TSTD2: variants seen among roughly 807,000 people sequenced by gnomAD.
TSTD2 encodes the protein thiosulfate sulfurtransferase like domain containing 2, also known as thiosulfate sulfurtransferase/rhodanese-like domain-containing protein 2.
A neutral mutation model predicts 47.9 loss-of-function variants in TSTD2; 37 were observed. The ratio of observed to expected loss-of-function variants is 0.77; its 90% confidence interval spans 0.59 to 1.02. The LOEUF (loss-of-function observed/expected upper bound fraction) is 1.02, where lower values mean the gene tolerates loss of function less well. Among genes scored for constraint, TSTD2 ranks in the 50% least tolerant of loss-of-function variants. The pLI is 0.00. For synonymous variants in TSTD2, 201 were observed against 215.9 expected, an observed-to-expected ratio of 0.93 and a Z score of 0.61; for missense variants, 586 against 616.0, an observed-to-expected ratio of 0.95 and a Z score of 0.52.
At position 97,602,158 on chromosome 9, in the gene TSTD2, C is replaced by T; in HGVS notation, c.*311G>A. 1 of 285,672 alleles carries T rather than the reference C, an allele frequency of 3.5e-6. No individual in the cohort carries two copies. The highest frequency in any genetic ancestry group is 9.4e-5 in the South Asian group (1 of 10,694). 17.7% of individuals were successfully genotyped at this position (285,672 alleles called of 1,614,324 possible). A position where few individuals can be genotyped will look rare whatever the true frequency, so the allele number is the denominator to read the frequency against. On this transcript the variant is annotated 3_prime_UTR_variant, in exon 10 of 10. Coordinates refer to ENST00000341170, the MANE Select transcript of TSTD2 (RefSeq NM_139246.5). Reference sequence around the variant, plus strand: ...CAAGGGCAATGACTACTAACAGCCCCAGCTGCATGGAACAGAAAGGGCATA... The same window carrying T: ...CAAGGGCAATGACTACTAACAGCCCTAGCTGCATGGAACAGAAAGGGCATA...
intron 4 of TSTD2, among the ~76,000 whole-genome samples, chr9:97,615,056 G>A (rs1826522636): frequency 6.6e-6 from 1 of 152,158 alleles, no homozygotes; most frequent in African/African-American, 2.4e-5. Context: ...TACCTCTCTT[G>A]GGGTAGGCTA....
chr9:97,604,769 C>G lies in TSTD2; in HGVS notation c.1210G>C (p.Asp404His). Residue 404 changes from aspartate to histidine, a missense_variant, in exon 9 of 10, where the codon GAT becomes CAT. Physicochemically the swap from Asp to His is moderately conservative, Grantham distance 81. Transcript: ENST00000341170. ...TTGTAGGACAGAGCATAGCGTTCAT[C>G]AAAAACAAACAACTTCCCTTTGTAA... ...GFYKGKLFVF[D>H]ERYALSYNSD... The G allele has an allele frequency of 1.9e-6, 3 of 1,614,218 alleles. No homozygotes were observed. Among genetic ancestry groups the G allele is most frequent in the Non-Finnish European group, 2.5e-6 (3 of 1,180,040 alleles).
intron 9 of TSTD2, 149 bp downstream of exon 9, chr9:97,604,578 G>C (rs1826332194): frequency 1.6e-6 from 2 of 1,228,190 alleles, no homozygotes. Context: ...TCCACAGCTG[G>C]GAAAATGGTG....
chr9:97,630,555 C>T (rs1341782039), intron 1 of TSTD2, among the ~76,000 whole-genome samples: 2 of 152,170 alleles, frequency 1.3e-5, no homozygotes, highest in Admixed American at 1.3e-4. Flanking sequence ...TTCTCAGTTT[C>T]CTTTGCTGGA....
chr9:97,619,102 A>G (rs971849896), intron 3 of TSTD2, among the ~76,000 whole-genome samples: 1 of 152,208 alleles, frequency 6.6e-6, no homozygotes, highest in African/African-American at 2.4e-5. Flanking sequence ...TCACCGTCCT[A>G]TATAACTCAT....
rs1354729667 is a variant in TSTD2, at chr9:97,631,788, G to A, written c.-51+1455C>T. ...GAACCTAAAAGGCAGAGGTTACAACGAGCCAAGACCGTGCCACTGCACTCC... is the reference window on the plus strand; with the variant it reads ...GAACCTAAAAGGCAGAGGTTACAACAAGCCAAGACCGTGCCACTGCACTCC... On this transcript the variant is annotated intron_variant, in intron 1 of 9. Transcript: ENST00000341170. 3.3e-5 allele frequency among the ~76,000 whole-genome samples: 5 copies of A among 151,974 alleles called. No individual in the cohort carries two copies. In the East Asian group the frequency reaches 9.6e-4, roughly 29 times the overall value.
chr9:97,627,879 T>C (rs989289641), intron 1 of TSTD2, among the ~76,000 whole-genome samples: 1 of 152,174 alleles, frequency 6.6e-6, no homozygotes, highest in Non-Finnish European at 1.5e-5. Context: ...AGTGGATAAA[T>C]TGATTTTTTA....
intron 3 of TSTD2, among the ~76,000 whole-genome samples, chr9:97,619,051 A>G (rs1309171406): frequency 4.6e-5 from 7 of 152,320 alleles, no homozygotes; most frequent in African/African-American, 4.8e-5. Flanking sequence ...TGGAAGGGCC[A>G]TATCTGTATA....
intron 3 of TSTD2, among the ~76,000 whole-genome samples, chr9:97,624,316 G>A (rs1324571108): frequency 6.6e-6 from 1 of 151,900 alleles, no homozygotes; most frequent in African/African-American, 2.4e-5. Context: ...CACTCAGGCA[G>A]CCTATGAAGA....
chr9:97,631,422 G>C (rs1826808314), intron 1 of TSTD2, among the ~76,000 whole-genome samples: 1 of 152,090 alleles, frequency 6.6e-6, no homozygotes, highest in African/African-American at 2.4e-5. Flanking sequence ...TGCCTGGCCA[G>C]CTTTGCTTTT....
intron 5 of TSTD2, chr9:97,611,012 T>C (rs905552168): frequency 6.6e-6 from 1 of 152,598 alleles, no homozygotes; most frequent in African/African-American, 2.4e-5. Flanking sequence ...AACATTCTTA[T>C]TTTATAAGAA....
chr9:97,613,343 T>G (rs1377061551), intron 4 of TSTD2, among the ~76,000 whole-genome samples: 1 of 152,148 alleles, frequency 6.6e-6, no homozygotes, highest in Non-Finnish European at 1.5e-5. Flanking sequence ...TGTGTCTGTT[T>G]TGCTCACCAG....
intron 3 of TSTD2, among the ~76,000 whole-genome samples, chr9:97,621,654 C>G (rs937554651): frequency 5.3e-5 from 8 of 152,132 alleles, no homozygotes; most frequent in African/African-American, 1.7e-4. Flanking sequence ...GCTCTGGTCT[C>G]CTGCAGTGCC....
chr9:97,600,444 A>C lies in TSTD2; in HGVS notation c.*2025T>G. 5.1e-6 allele frequency: 5 copies of C among 985,658 alleles called. No homozygotes were observed. Among genetic ancestry groups the C allele is most frequent in the Non-Finnish European group, 6.0e-6 (5 of 830,094 alleles). 61.1% of individuals were successfully genotyped at this position (985,658 alleles called of 1,614,324 possible). ...GGATTTATGTACAATTTAATACTGG[A>C]GTTAGAACTTTTTCCTTATTGAATG... On this transcript the variant is annotated 3_prime_UTR_variant, in exon 10 of 10. Coordinates refer to ENST00000341170, the MANE Select transcript of TSTD2 (RefSeq NM_139246.5).
chr9:97,604,799 C>T lies in TSTD2; in HGVS notation c.1180G>A (p.Gly394Ser), dbSNP rs1473351093. 1.2e-6 allele frequency: 2 copies of T among 1,614,220 alleles called. No homozygotes were observed. The highest frequency in any genetic ancestry group is 1.7e-6 in the Non-Finnish European group (2 of 1,180,042). The change falls in exon 9 of 10, where the codon GGC becomes AGC. Residue 394 changes from glycine to serine, a missense_variant. Physicochemically the swap from Gly to Ser is moderately conservative, Grantham distance 56. Coordinates refer to ENST00000341170, the MANE Select transcript of TSTD2 (RefSeq NM_139246.5). The part of the protein sequence containing the change: ...IHKYLEEFPD[G>S]FYKGKLFVFD... ...ACAAACAACTTCCCTTTGTAAAAGC[C>T]ATCAGGAAACTCTTCCAGGTACTTG...
intron 3 of TSTD2, among the ~76,000 whole-genome samples, chr9:97,622,083 AAAG>A (rs1198545862): frequency 6.6e-6 from 1 of 152,154 alleles, no homozygotes; most frequent in Non-Finnish European, 1.5e-5. Context: ...AGAAAATAGA[AAAG>A]AACCTACGTT....
chr9:97,617,183 A>T (rs889531597), intron 4 of TSTD2, among the ~76,000 whole-genome samples: 1 of 152,220 alleles, frequency 6.6e-6, no homozygotes, highest in Non-Finnish European at 1.5e-5. Context: ...ACAATATGTG[A>T]GCCGAGATCT....
chr9:97,633,224 G>A lies in TSTD2; in HGVS notation c.-51+19C>T, dbSNP rs1420672945. ...CCAAGGCGGCAAAAGCCGGAAAGTG[G>A]GAGTAGATGAGCACATACCCGCCAG... is the stretch of plus-strand genomic sequence containing the variant. On this transcript the variant is annotated intron_variant, in intron 1 of 9. Coordinates refer to ENST00000341170, the MANE Select transcript of TSTD2 (RefSeq NM_139246.5). 1 of 167,986 alleles carries A rather than the reference G, an allele frequency of 6.0e-6. No homozygotes were observed. Among genetic ancestry groups the A allele is most frequent in the African/African-American group, 2.4e-5 (1 of 42,104 alleles). 10.4% of individuals were successfully genotyped at this position (167,986 alleles called of 1,614,324 possible).
At chr9:97,613,245 G>T (rs146223736) in intron 4 of TSTD2, among the ~76,000 whole-genome samples, 1 of 152,286 alleles carries the variant, frequency 6.6e-6, no homozygotes, top group East Asian at 1.9e-4. Flanking sequence ...AGGGCTGAGG[G>T]TATACATGAG....
Sources: gnomAD v4.1 joint callset for allele counts (sites outside exome capture counted in the v4.1 genomes callset) on GRCh38, gnomAD v4.1.1 for gene constraint, MANE v1.5 for transcripts, NCBI Gene and HGNC (gene_info 2026-07-23, HGNC 2026-07-21) for gene names.